GLIS3: variants seen among roughly 807,000 people sequenced by gnomAD.
GLIS3 encodes the protein zinc finger protein GLIS3.
GLIS3 carries 53 observed loss-of-function variants against 78.6 expected under a neutral mutation model. That is an observed-to-expected ratio of 0.67 (90% confidence interval 0.54 to 0.85). The LOEUF is 0.85. Among genes scored for constraint, GLIS3 ranks in the 40% least tolerant of loss-of-function variants. GLIS3 has a pLI of 0.00. For synonymous variants in GLIS3, 684 were observed against 509.9 expected (o/e 1.34, Z -4.60); for missense variants, 1,703 against 1,231.1 (o/e 1.38, Z -5.74).
chr9:4,222,824 T>C (rs1000801898), intron 2 of GLIS3, among the ~76,000 whole-genome samples: 2 of 152,216 alleles, frequency 1.3e-5, no homozygotes, highest in Non-Finnish European at 2.9e-5. Context: ...AGACATCAAA[T>C]TCATTTTGCT....
chr9:4,298,460 G>C (rs950050416), intron 1 of GLIS3: 3 of 449,736 alleles, frequency 6.7e-6, no homozygotes, highest in African/African-American at 6.0e-5. Context: ...CCCGGTCCCC[G>C]AGGTGACTTG....
chr9:4,208,100 C>G (rs571582096), intron 2 of GLIS3, among the ~76,000 whole-genome samples: 1 of 152,212 alleles, frequency 6.6e-6, no homozygotes, highest in Admixed American at 6.5e-5. Context: ...CAGGCCTAAC[C>G]AGGCCTGCAG....
At chr9:4,039,438 G>A (rs149850047) in intron 4 of GLIS3, among the ~76,000 whole-genome samples, 233 of 152,266 alleles carry the variant, frequency 1.5e-3, no homozygotes, top group African/African-American at 5.4e-3. Flanking sequence ...TGAGCTATGT[G>A]GAAAGAGGCC....
At chr9:4,373,966 GA>G in the GLIS3 span, among the ~76,000 whole-genome samples, 1 of 151,964 alleles carries the variant, frequency 6.6e-6, no homozygotes, top group African/African-American at 2.4e-5. Flanking sequence ...GCGCCTGGCC[GA>G]AAATGTAATT....
At chr9:4,271,257 C>G (rs145723404) in intron 2 of GLIS3, among the ~76,000 whole-genome samples, 89 of 152,206 alleles carry the variant, frequency 5.8e-4, no homozygotes, top group African/African-American at 2.0e-3. Context: ...ACACAGTATA[C>G]AATACATACA....
chr9:4,360,834 G>A, the GLIS3 span, among the ~76,000 whole-genome samples: 1 of 152,198 alleles, frequency 6.6e-6, no homozygotes, highest in Non-Finnish European at 1.5e-5. Context: ...GCATTTCCTA[G>A]CCATGTGCAT....
intron 2 of GLIS3, among the ~76,000 whole-genome samples, chr9:4,323,954 A>G (rs1309002556): frequency 2.6e-5 from 4 of 152,202 alleles, no homozygotes; most frequent in Non-Finnish European, 5.9e-5. Flanking sequence ...TTTTAGCACC[A>G]TCGTCATTCT....
At chr9:3,972,011 C>T (rs184194876) in intron 4 of GLIS3, among the ~76,000 whole-genome samples, 1 of 152,250 alleles carries the variant, frequency 6.6e-6, no homozygotes, top group Admixed American at 6.5e-5. Context: ...GGCTTTTGTT[C>T]AGAAAGGTGT....
At chr9:4,013,833 G>A (rs1010471590) in intron 4 of GLIS3, among the ~76,000 whole-genome samples, 7 of 152,172 alleles carry the variant, frequency 4.6e-5, no homozygotes, top group African/African-American at 1.7e-4. Context: ...CAACTGTGAA[G>A]GGACGAGGCA....
chr9:4,375,346 G>C, the GLIS3 span, among the ~76,000 whole-genome samples: 1 of 152,122 alleles, frequency 6.6e-6, no homozygotes, highest in Non-Finnish European at 1.5e-5. Context: ...TTGAGAGTGT[G>C]GGTACAGAGA....
chr9:4,270,132 T>C (rs1826371694), intron 2 of GLIS3, among the ~76,000 whole-genome samples: 2 of 152,194 alleles, frequency 1.3e-5, no homozygotes, highest in South Asian at 4.1e-4. Flanking sequence ...GTTTCCACAT[T>C]TCTAAAATGG....
the GLIS3 span, among the ~76,000 whole-genome samples, chr9:4,455,025 A>C: frequency 1.3e-5 from 2 of 152,192 alleles, no homozygotes; most frequent in Non-Finnish European, 2.9e-5. Flanking sequence ...CCACTTCACT[A>C]GGTAATTTAT....
intron 4 of GLIS3, among the ~76,000 whole-genome samples, chr9:3,958,176 T>C (rs1588314082): frequency 2.0e-5 from 3 of 152,308 alleles, no homozygotes; most frequent in South Asian, 2.1e-4. Flanking sequence ...AAGCCCTTAG[T>C]GAACAACTGC....
At chr9:4,278,059 T>C (rs1827190687) in intron 2 of GLIS3, among the ~76,000 whole-genome samples, 1 of 152,220 alleles carries the variant, frequency 6.6e-6, no homozygotes. Flanking sequence ...TTCTATTATC[T>C]TAGAAACATA....
At chr9:4,082,096 T>C (rs1451857400) in intron 4 of GLIS3, among the ~76,000 whole-genome samples, 2 of 152,246 alleles carry the variant, frequency 1.3e-5, no homozygotes, top group African/African-American at 2.4e-5. Context: ...TCTAATGCAC[T>C]ATGGTGTCTT....
intron 4 of GLIS3, among the ~76,000 whole-genome samples, chr9:3,973,211 A>G (rs1011021602): frequency 1.3e-5 from 2 of 152,204 alleles, no homozygotes; most frequent in Admixed American, 6.5e-5. Flanking sequence ...TCCTGGGATC[A>G]AATGTGTGAC....
At chr9:3,902,781 A>G (rs1005284091) in intron 6 of GLIS3, among the ~76,000 whole-genome samples, 4 of 152,228 alleles carry the variant, frequency 2.6e-5, no homozygotes, top group Non-Finnish European at 1.5e-5. Flanking sequence ...GTTTATGGAA[A>G]GAGGAAATGA....
At chr9:3,883,168 C>CT in intron 7 of GLIS3, among the ~76,000 whole-genome samples, 1 of 152,350 alleles carries the variant, frequency 6.6e-6, no homozygotes, top group South Asian at 2.1e-4. Flanking sequence ...CAATGATCCA[C>CT]TGTGGCATAG....
chr9:4,480,372 C>G, the GLIS3 span, among the ~76,000 whole-genome samples: 1 of 151,654 alleles, frequency 6.6e-6, no homozygotes, highest in Non-Finnish European at 1.5e-5. Flanking sequence ...ACCTGTCTAA[C>G]TTTATTTTTT....
Sources: allele counts gnomAD v4.1 joint callset (sites outside exome capture counted in the v4.1 genomes callset), GRCh38; gene constraint gnomAD v4.1.1; transcripts MANE v1.5; gene names NCBI Gene and HGNC (gene_info 2026-07-23, HGNC 2026-07-21).